The following TRAPPC8 variants were observed in gnomAD, a reference collection of about 807,000 sequenced individuals.
TRAPPC8 encodes the protein general sporulation gene 1 homolog.
TRAPPC8 carries 54 observed loss-of-function variants against 174.3 expected under a neutral mutation model. That is an observed-to-expected ratio of 0.31 (90% CI 0.25 to 0.39). The LOEUF (loss-of-function observed/expected upper bound fraction) is 0.39. Ranked by LOEUF, TRAPPC8 falls within the 10% of genes least tolerant of loss-of-function variation. The pLI, the probability that TRAPPC8 is intolerant of heterozygous loss-of-function variation, is 1.00. For missense variants in TRAPPC8, 1,531 were observed against 1,699.1 expected (o/e 0.90, Z 1.74); for synonymous variants, 630 against 579.9 (o/e 1.09, Z -1.24).
intron 21 of TRAPPC8, among the ~76,000 whole-genome samples, chr18:31,854,707 G>A (rs935824107): frequency 2.0e-5 from 3 of 152,036 alleles, no homozygotes; most frequent in South Asian, 2.1e-4. Context: ...GGTGGCTCAC[G>A]CCTGTAATCC....
At chr18:31,935,352 A>C (rs1472636514) in intron 1 of TRAPPC8, among the ~76,000 whole-genome samples, 5 of 31,320 alleles carry the variant, frequency 1.6e-4, no homozygotes, top group Admixed American at 4.1e-4. Context: ...AAAAACAAAC[A>C]AACAAACAAA....
chr18:31,890,726 T>G lies in TRAPPC8; in HGVS notation c.1728+9A>C. On this transcript the variant is annotated intron_variant, in intron 12 of 28. Transcript: ENST00000283351. ...TAGCAACTTTTCATTGTAAAGCAAA[T>G]GCACTCACCTGCCCTGCTTTACTAA... The G allele has an allele frequency of 6.2e-7, 1 of 1,600,978 alleles. No individual in the cohort carries two copies. The highest frequency in any genetic ancestry group is 2.2e-5 in the East Asian group (1 of 44,516).
chr18:31,880,090 A>AAAAAATATAT (rs1259899654), intron 12 of TRAPPC8, among the ~76,000 whole-genome samples: 18 of 85,344 alleles, frequency 2.1e-4, no homozygotes, highest in African/African-American at 5.2e-4. Context: ...TGAAAAAAAA[A>AAAAAATATAT]ATATATATAT....
At chr18:31,919,677 C>T (rs913210403) in intron 2 of TRAPPC8, among the ~76,000 whole-genome samples, 1 of 150,476 alleles carries the variant, frequency 6.6e-6, no homozygotes, top group African/African-American at 2.4e-5. Context: ...GGATACATGG[C>T]GAAACCCCAT....
At chr18:31,915,206 C>T (rs1414913130) in intron 4 of TRAPPC8, among the ~76,000 whole-genome samples, 1 of 152,190 alleles carries the variant, frequency 6.6e-6, no homozygotes, top group Non-Finnish European at 1.5e-5. Flanking sequence ...AGGTGGCTCA[C>T]GCCTGTAATC....
chr18:31,848,622 A>G (rs1176205068), intron 25 of TRAPPC8, among the ~76,000 whole-genome samples: 1 of 152,210 alleles, frequency 6.6e-6, no homozygotes, highest in Non-Finnish European at 1.5e-5. Context: ...TTATTTAAAA[A>G]CATGGTTTAA....
At chr18:31,920,897 C>T (rs1280292683) in intron 2 of TRAPPC8, among the ~76,000 whole-genome samples, 3 of 147,160 alleles carry the variant, frequency 2.0e-5, no homozygotes, top group Non-Finnish European at 4.5e-5. Context: ...GCCGAGATCA[C>T]GCCACTGCAC....
rs971261235 is a variant in TRAPPC8 at position 31,908,493 on chromosome 18, A to G, written c.1123-75T>C. The G allele has an allele frequency of 6.7e-6, 7 of 1,046,826 alleles. No homozygotes were observed. In the South Asian group the frequency reaches 7.7e-5, roughly 11 times the overall value. The allele number at this position is 1,046,826 out of a possible 1,614,324, so 64.8% of individuals were successfully genotyped here. On this transcript the variant is annotated intron_variant, in intron 7 of 28. Transcript: ENST00000283351. ...TCCTTTACATAAAAAAATTTTAACT[A>G]AAAAGCTTTAATAGCAAATGTTCAT...
intron 6 of TRAPPC8, 65 bp from the exon 7 acceptor site, chr18:31,909,075 A>C (rs1362053180): frequency 9.3e-6 from 13 of 1,399,218 alleles, no homozygotes; most frequent in Admixed American, 2.5e-5. Context: ...TAATACTACC[A>C]TACTGCTAAA....
intron 14 of TRAPPC8, among the ~76,000 whole-genome samples, chr18:31,872,763 T>C (rs2034935460): frequency 6.6e-6 from 1 of 152,118 alleles, no homozygotes; most frequent in Non-Finnish European, 1.5e-5. Context: ...AGTCTATATA[T>C]ATCAAGTGGA....
chr18:31,833,736 G>A (rs1466542872), intron 27 of TRAPPC8, among the ~76,000 whole-genome samples: 1 of 152,132 alleles, frequency 6.6e-6, no homozygotes, highest in Admixed American at 6.5e-5. Flanking sequence ...GGGCACGGTG[G>A]CTTGCGCTTG....
At chr18:31,933,847 G>C (rs768439644) in intron 1 of TRAPPC8, among the ~76,000 whole-genome samples, 1 of 151,916 alleles carries the variant, frequency 6.6e-6, no homozygotes, top group Non-Finnish European at 1.5e-5. Context: ...ACTGTATGTG[G>C]TACAAATGTG....
Position 31,898,728 on chromosome 18 carries a change from G to A in TRAPPC8, c.1491-837C>T, listed in dbSNP as rs542286283. Among the ~76,000 whole-genome samples the A allele has an allele frequency of 3.9e-5, 6 of 152,194 alleles. No homozygotes were observed. The East Asian group carries it at 1.2e-3, about 29-fold the overall frequency. ...TGTAAAAACATAATCAGTTGATTTT[G>A]TGGACTACTACATCAGTAATCTAGA... On this transcript the variant is annotated intron_variant, in intron 10 of 28. Transcript: ENST00000283351.
chr18:31,830,591 C>G lies in TRAPPC8; in HGVS notation c.*164G>C, dbSNP rs2032300364. The G allele has an allele frequency of 6.7e-6, 4 of 595,126 alleles. No individual in the cohort carries two copies. Among genetic ancestry groups the G allele is most frequent in the Non-Finnish European group, 1.2e-5 (4 of 340,696 alleles). The allele number at this position is 595,126 out of a possible 1,614,324, so 36.9% of individuals were successfully genotyped here. The stretch of plus-strand genomic sequence containing the variant: ...ACAGAAAAAGAATGTTAAGTATTCT[C>G]AGTCCAACGTGCTTTGCATCATCAA... On this transcript the variant is annotated 3_prime_UTR_variant, in exon 29 of 29. Transcript: ENST00000283351.
At chr18:31,877,908 T>C (rs1022126411) in intron 12 of TRAPPC8, among the ~76,000 whole-genome samples, 1 of 131,572 alleles carries the variant, frequency 7.6e-6, no homozygotes, top group African/African-American at 2.9e-5. Flanking sequence ...GGGTAACAAG[T>C]GCAAAACTCT....
intron 4 of TRAPPC8, 49 bp downstream of exon 4, chr18:31,916,223 T>C: frequency 7.5e-7 from 1 of 1,334,998 alleles, no homozygotes; most frequent in Non-Finnish European, 9.9e-7. Context: ...TCCAAATTAA[T>C]GTTAAATCAT....
At chr18:31,913,277 A>G in intron 5 of TRAPPC8, 92 bp downstream of exon 5, 1 of 1,367,374 alleles carries the variant, frequency 7.3e-7, no homozygotes, top group South Asian at 1.5e-5. Context: ...CAGATTCCAC[A>G]CAATTAATAT....
At chr18:31,855,623 A>G (rs746819633) in intron 21 of TRAPPC8, 37 bp downstream of exon 21, 16 of 1,565,906 alleles carry the variant, frequency 1.0e-5, no homozygotes, top group Non-Finnish European at 1.3e-5. Flanking sequence ...CACTTCAAAT[A>G]TAATTAAAAA....
chr18:31,931,574 A>C, intron 1 of TRAPPC8, 51 bp from the exon 2 acceptor site: 1 of 1,386,402 alleles, frequency 7.2e-7, no homozygotes, highest in Non-Finnish European at 9.6e-7. Context: ...ACAATGCATA[A>C]TAACCCAAAA....
Sources: allele counts gnomAD v4.1 joint callset (sites outside exome capture counted in the v4.1 genomes callset), GRCh38; gene constraint gnomAD v4.1.1; transcripts MANE v1.5; gene names NCBI Gene and HGNC (gene_info 2026-07-23, HGNC 2026-07-21).